Variants in VWC2L observed in about 807,000 individuals in gnomAD.
VWC2L encodes the protein von Willebrand factor C domain-containing protein 2-like.
A neutral mutation model predicts 21.6 loss-of-function variants in VWC2L; 10 were observed. The ratio of observed to expected loss-of-function variants is 0.46; its 90% CI spans 0.29 to 0.78. The LOEUF (loss-of-function observed/expected upper bound fraction) is 0.78. VWC2L is among the 30% of genes least tolerant of loss of function. The probability of loss-of-function intolerance (pLI) is 0.10; values close to 1 mark genes in which losing one functional copy is unlikely to be tolerated. For synonymous variants in VWC2L, 96 were observed against 94.3 expected (o/e 1.02, Z -0.10); for missense variants, 209 against 277.1 (o/e 0.75, Z 1.74).
intron 2 of VWC2L, among the ~76,000 whole-genome samples, chr2:214,424,431 G>A (rs1193710616): frequency 6.6e-6 from 1 of 152,124 alleles, no homozygotes; most frequent in Non-Finnish European, 1.5e-5. Flanking sequence ...AAAGTGTGGT[G>A]AAAATTGGAT....
intron 3 of VWC2L, 29 bp from the exon 4 acceptor site, chr2:214,575,643 C>A: frequency 6.2e-7 from 1 of 1,609,456 alleles, no homozygotes; most frequent in South Asian, 1.1e-5. Flanking sequence ...CAGATTTAAT[C>A]AACTAATCAA....
Position 214,464,505 on chromosome 2 carries a change from A to G in VWC2L, c.520+27747A>G, listed in dbSNP as rs942990669. 4.0e-5 allele frequency among the ~76,000 whole-genome samples: 6 copies of G among 151,804 alleles called. No individual in the cohort carries two copies. In the East Asian group the frequency reaches 1.2e-3, roughly 29 times the overall value. Reference sequence around the variant, plus strand: ...ACTTTCCCTCAGAGTCTCTCTCTCCATGCTGAGCTCCCTGGAGCTGGAGAA... The same window carrying G: ...ACTTTCCCTCAGAGTCTCTCTCTCCGTGCTGAGCTCCCTGGAGCTGGAGAA... On this transcript the variant is annotated intron_variant, in intron 3 of 3. Transcript: ENST00000312504.
chr2:214,536,156 TTGTTGGAA>T (rs1486131782), intron 3 of VWC2L, among the ~76,000 whole-genome samples: 3 of 152,136 alleles, frequency 2.0e-5, no homozygotes, highest in Admixed American at 6.6e-5. Flanking sequence ...AGTAAATAAC[TTGTTGGAA>T]TGTTGGAATG....
chr2:214,419,369 C>T (rs941576354), intron 2 of VWC2L, among the ~76,000 whole-genome samples: 1 of 152,130 alleles, frequency 6.6e-6, no homozygotes, highest in African/African-American at 2.4e-5. Flanking sequence ...GCTTAACTAT[C>T]TTAATGCTGA....
At chr2:214,418,050 T>G (rs981774275) in intron 2 of VWC2L, among the ~76,000 whole-genome samples, 4 of 152,146 alleles carry the variant, frequency 2.6e-5, no homozygotes, top group Non-Finnish European at 5.9e-5. Flanking sequence ...TTCCACAGTA[T>G]GGAACACTTT....
At chr2:214,557,701 A>G (rs1257735899) in intron 3 of VWC2L, among the ~76,000 whole-genome samples, 1 of 152,164 alleles carries the variant, frequency 6.6e-6, no homozygotes, top group South Asian at 2.1e-4. Flanking sequence ...CCTACTGCTC[A>G]GAGAAAATAG....
At chr2:214,467,962 A>G (rs561580763) in intron 3 of VWC2L, among the ~76,000 whole-genome samples, 2 of 152,306 alleles carry the variant, frequency 1.3e-5, no homozygotes, top group South Asian at 4.1e-4. Context: ...CCTGGGCAAC[A>G]TAGTGAGACA....
At chr2:214,545,536 G>T (rs976542569) in intron 3 of VWC2L, among the ~76,000 whole-genome samples, 25 of 152,114 alleles carry the variant, frequency 1.6e-4, no homozygotes, top group African/African-American at 6.0e-4. Flanking sequence ...CAAAGTAAAT[G>T]ACATCTTATG....
chr2:214,415,228 T>C (rs1702337269), intron 2 of VWC2L: 1 of 152,226 alleles, frequency 6.6e-6, no homozygotes, highest in East Asian at 1.9e-4. Flanking sequence ...CCTGGTATTT[T>C]TTAGTTTTTC....
intron 3 of VWC2L, among the ~76,000 whole-genome samples, chr2:214,525,907 A>AT: frequency 6.6e-6 from 1 of 152,158 alleles, no homozygotes; most frequent in East Asian, 1.9e-4. Context: ...TTAAATATGG[A>AT]TAAAAAGTAG....
At chr2:214,414,811 T>C in intron 2 of VWC2L, 1 of 537,574 alleles carries the variant, frequency 1.9e-6, no homozygotes, top group South Asian at 2.4e-5. Flanking sequence ...TTCCCAGAAG[T>C]ATTTGGGGCA....
chr2:214,545,639 G>GA (rs559868598), intron 3 of VWC2L, among the ~76,000 whole-genome samples: 125 of 152,180 alleles, frequency 8.2e-4, no homozygotes, highest in African/African-American at 2.7e-3. Flanking sequence ...TATCTCTTCT[G>GA]AAAAAAATTT....
intron 2 of VWC2L, among the ~76,000 whole-genome samples, chr2:214,415,842 T>A (rs1310077024): frequency 6.6e-6 from 1 of 152,154 alleles, no homozygotes; most frequent in Non-Finnish European, 1.5e-5. Context: ...GACTTTTGTC[T>A]TTCGTGTATT....
At chr2:214,419,817 G>A (rs369858466) in intron 2 of VWC2L, among the ~76,000 whole-genome samples, 1 of 152,130 alleles carries the variant, frequency 6.6e-6, no homozygotes, top group African/African-American at 2.4e-5. Flanking sequence ...TTTTTGCCCT[G>A]AATTTTATAC....
chr2:214,520,576 A>T (rs1020359553), intron 3 of VWC2L, among the ~76,000 whole-genome samples: 2 of 152,186 alleles, frequency 1.3e-5, no homozygotes, highest in Non-Finnish European at 2.9e-5. Context: ...GCTCTTGAAC[A>T]ATATTTCCCA....
chr2:214,441,218 A>G (rs1046418025), intron 3 of VWC2L, among the ~76,000 whole-genome samples: 2 of 152,202 alleles, frequency 1.3e-5, no homozygotes, highest in African/African-American at 2.4e-5. Context: ...AAGGGACTTC[A>G]CAGGCATCCA....
intron 3 of VWC2L, among the ~76,000 whole-genome samples, chr2:214,442,658 T>C (rs188089691): frequency 6.6e-6 from 1 of 152,050 alleles, no homozygotes; most frequent in Non-Finnish European, 1.5e-5. Flanking sequence ...TATTTATAAT[T>C]TAAAATATTT....
At chr2:214,437,801 A>AT (rs1035681587) in intron 3 of VWC2L, among the ~76,000 whole-genome samples, 3 of 152,254 alleles carry the variant, frequency 2.0e-5, no homozygotes, top group African/African-American at 7.2e-5. Flanking sequence ...TTTTTAAAAG[A>AT]TTTTTTAAGT....
chr2:214,563,310 G>A (rs2105930540), intron 3 of VWC2L, among the ~76,000 whole-genome samples: 1 of 152,154 alleles, frequency 6.6e-6, no homozygotes, highest in East Asian at 1.9e-4. Context: ...CACTTTGGGA[G>A]GCTGAGGCAG....
Sources: gnomAD v4.1 joint callset for allele counts (sites outside exome capture counted in the v4.1 genomes callset) on GRCh38, gnomAD v4.1.1 for gene constraint, MANE v1.5 for transcripts, NCBI Gene and HGNC (gene_info 2026-07-23, HGNC 2026-07-21) for gene names.